SYT16: variants seen among roughly 807,000 people sequenced by gnomAD.
The protein encoded by SYT16 is synaptotagmin-16.
A neutral mutation model predicts 61.4 loss-of-function variants in SYT16; 42 were observed. That is an observed-to-expected ratio of 0.68 (90% CI 0.53 to 0.89). The LOEUF (loss-of-function observed/expected upper bound fraction) is 0.89. Ranked by LOEUF, SYT16 falls within the 40% of genes least tolerant of loss-of-function variation. The pLI, the probability that SYT16 is intolerant of heterozygous loss-of-function variation, is 0.00. For synonymous variants in SYT16, 314 were observed against 302.3 expected, an observed-to-expected ratio of 1.04 and a Z score of -0.40; for missense variants, 804 against 807.3, an observed-to-expected ratio of 1.00 and a Z score of 0.05.
chr14:61,822,946 G>A (rs2045659729), intron 1 of SYT16, among the ~76,000 whole-genome samples: 1 of 151,790 alleles, frequency 6.6e-6, no homozygotes, highest in Non-Finnish European at 1.5e-5. Flanking sequence ...GCATTATATG[G>A]GCATAGGGTA....
chr14:62,078,153 C>CTATA (rs1437217028), intron 5 of SYT16, among the ~76,000 whole-genome samples: 3 of 101,718 alleles, frequency 2.9e-5, no homozygotes, highest in African/African-American at 4.8e-5. Context: ...CTCTCTCTCT[C>CTATA]TCTATATATA....
Position 61,905,786 on chromosome 14 carries a change from C to T in SYT16, c.-324-64346C>T, listed in dbSNP as rs1173871210. ...CTTTTTTTTTTTTTTGGGGATAAAT[C>T]TCGCTCTGTTGCCCAGTCTGGAGTG... On this transcript the variant is annotated intron_variant, in intron 1 of 7. Transcript: ENST00000683842. Among the ~76,000 whole-genome samples the T allele has an allele frequency of 4.0e-5, 6 of 149,560 alleles. No homozygotes were observed. In the East Asian group the frequency reaches 7.8e-4, roughly 19 times the overall value.
At chr14:62,035,064 A>G (rs191259507) in intron 3 of SYT16, among the ~76,000 whole-genome samples, 1 of 152,256 alleles carries the variant, frequency 6.6e-6, no homozygotes, top group Admixed American at 6.5e-5. Context: ...GTATTTACAT[A>G]TGTCCTCTGT....
chr14:61,996,725 G>A (rs917932438), intron 3 of SYT16, among the ~76,000 whole-genome samples, 183 bp downstream of exon 3: 1 of 152,044 alleles, frequency 6.6e-6, no homozygotes, highest in Non-Finnish European at 1.5e-5. Context: ...AAGCTTTGGA[G>A]GATCCACGTT....
intron 3 of SYT16, among the ~76,000 whole-genome samples, chr14:62,032,142 G>A (rs2054332209): frequency 6.6e-6 from 1 of 152,124 alleles, no homozygotes; most frequent in African/African-American, 2.4e-5. Flanking sequence ...TGAAAAGAAA[G>A]CATGTGACAT....
chr14:61,816,473 A>T (rs1394157086), intron 1 of SYT16, among the ~76,000 whole-genome samples: 1 of 152,242 alleles, frequency 6.6e-6, no homozygotes, highest in Non-Finnish European at 1.5e-5. Flanking sequence ...AACCCTAGTC[A>T]TTATTAAAAA....
chr14:61,924,836 A>T (rs760024955), intron 1 of SYT16, among the ~76,000 whole-genome samples: 1 of 152,238 alleles, frequency 6.6e-6, no homozygotes, highest in Non-Finnish European at 1.5e-5. Context: ...ACCCCAAATT[A>T]TGGTGCCTTT....
In SYT16 at chr14:62,103,714, G is replaced by A. The variant is rs991464756; in HGVS notation, c.*3007G>A. On this transcript the variant is annotated 3_prime_UTR_variant, in exon 8 of 8. Transcript: ENST00000683842. ...TTTTGCTGATGCTGCATAACTGTTG[G>A]AGGTGGGGGTGTCTTGCCTTCCCTA... is the stretch of plus-strand genomic sequence containing the variant. 2 of 152,168 alleles carry A rather than the reference G, an allele frequency of 1.3e-5. No homozygotes were observed. The highest frequency in any genetic ancestry group is 4.8e-5 in the African/African-American group (2 of 41,446). The allele number at this position is 152,168 out of a possible 1,614,324, so 9.4% of individuals were successfully genotyped here.
In SYT16 at chr14:62,069,735, C is replaced by T; in HGVS notation, c.656C>T (p.Thr219Ile). The T allele has an allele frequency of 1.2e-6, 2 of 1,614,000 alleles. No individual in the cohort carries two copies. The highest frequency in any genetic ancestry group is 1.7e-6 in the Non-Finnish European group (2 of 1,179,890). Residue 219 changes from threonine to isoleucine, a missense_variant, in exon 4 of 8, where the codon ACA becomes ATA. Coordinates refer to ENST00000683842, the MANE Select transcript of SYT16 (RefSeq NM_001367656.1). ...RSVTSEKGKQ[T>I]GLEQKPKFSR... ...GTGACATCTGAGAAAGGAAAGCAGA[C>T]AGGATTGGAGCAGAAACCAAAATTC...
intron 7 of SYT16, among the ~76,000 whole-genome samples, chr14:62,085,987 G>T (rs2056872947): frequency 6.6e-6 from 1 of 152,108 alleles, no homozygotes; most frequent in Admixed American, 6.5e-5. Flanking sequence ...TTAGGAACAG[G>T]GTAGAGATGC....
chr14:62,084,072 C>T, intron 6 of SYT16, 124 bp from the exon 7 acceptor site: 1 of 1,174,506 alleles, frequency 8.5e-7, no homozygotes, highest in Non-Finnish European at 1.2e-6. Context: ...CCGAGTGCGC[C>T]CTTAGTCATC....
intron 1 of SYT16, among the ~76,000 whole-genome samples, chr14:61,858,968 C>T (rs1239857063): frequency 6.6e-6 from 1 of 151,736 alleles, no homozygotes; most frequent in South Asian, 2.1e-4. Context: ...CATTCTCCTG[C>T]CTCAGCCTCC....
intron 1 of SYT16, among the ~76,000 whole-genome samples, chr14:61,969,812 T>C (rs1229856367): frequency 6.6e-6 from 1 of 152,098 alleles, no homozygotes; most frequent in African/African-American, 2.4e-5. Context: ...CTGTCTTAAT[T>C]GTGTGTTTGA....
chr14:62,098,161 A>G (rs1320495566), intron 7 of SYT16, among the ~76,000 whole-genome samples: 1 of 152,232 alleles, frequency 6.6e-6, no homozygotes, highest in East Asian at 1.9e-4. Flanking sequence ...CCTATCTTAC[A>G]ATGCTTTTGG....
chr14:62,071,581 G>T (rs1170319928), intron 4 of SYT16, among the ~76,000 whole-genome samples: 2 of 152,196 alleles, frequency 1.3e-5, no homozygotes, highest in Non-Finnish European at 2.9e-5. Flanking sequence ...TAGGTTACCA[G>T]ACGCCATGGA....
chr14:62,053,405 A>C (rs553072869), intron 3 of SYT16, among the ~76,000 whole-genome samples: 1 of 152,136 alleles, frequency 6.6e-6, no homozygotes, highest in Non-Finnish European at 1.5e-5. Flanking sequence ...CAGACCTTCA[A>C]AGTCAGACTG....
intron 3 of SYT16, among the ~76,000 whole-genome samples, chr14:62,056,912 A>G (rs2055584347): frequency 6.6e-6 from 1 of 152,214 alleles, no homozygotes; most frequent in South Asian, 2.1e-4. Context: ...GGTCAGCGGC[A>G]GCAGCGAGCA....
chr14:62,013,292 TCTC>T (rs1387093913), intron 3 of SYT16, among the ~76,000 whole-genome samples: 7 of 152,144 alleles, frequency 4.6e-5, no homozygotes, highest in Non-Finnish European at 8.8e-5. Context: ...ATCAAGGCAT[TCTC>T]CTCATGGTGA....
rs1566841929 is a variant in SYT16 at position 62,092,193 on chromosome 14, CA to C, written c.1624+7809del. ...ACTATAACACACACACACACACACA[CA>C]CACACACACACACACACACACACAC... On this transcript the variant is annotated intron_variant, in intron 7 of 7. Transcript: ENST00000683842. Among the ~76,000 whole-genome samples, 91 of 100,414 alleles carry C rather than the reference CA, an allele frequency of 9.1e-4. 1 individual carries two copies. Among genetic ancestry groups the C allele is most frequent in the Admixed American group, 3.2e-3 (34 of 10,744 alleles). The allele number at this position is 100,414 out of a possible 152,430, so 65.9% of individuals were successfully genotyped here.
Sources: allele counts gnomAD v4.1 joint callset (sites outside exome capture counted in the v4.1 genomes callset), GRCh38; gene constraint gnomAD v4.1.1; transcripts MANE v1.5; gene names NCBI Gene and HGNC (gene_info 2026-07-23, HGNC 2026-07-21).